Variants in CDH13 observed in about 807,000 individuals in gnomAD.
The protein encoded by CDH13 is cadherin 13.
Under a neutral mutation model 63.8 loss-of-function variants are expected in CDH13, and 24 were observed. The observed-to-expected ratio is 0.38, with a 90% CI of 0.27 to 0.53. The LOEUF (loss-of-function observed/expected upper bound fraction) is 0.53, where lower values mean the gene tolerates loss of function less well. Ranked by LOEUF, CDH13 falls within the 20% of genes least tolerant of loss-of-function variation. CDH13 has a pLI of 0.85. For missense variants in CDH13, 1,049 were observed against 903.1 expected, an observed-to-expected ratio of 1.16 and a Z score of -2.07; for synonymous variants, 503 against 355.3, an observed-to-expected ratio of 1.42 and a Z score of -4.67.
chr16:82,904,196 C>T (rs1308373264), intron 2 of CDH13, among the ~76,000 whole-genome samples: 1 of 152,152 alleles, frequency 6.6e-6, no homozygotes, highest in Non-Finnish European at 1.5e-5. Context: ...CTAAATATAA[C>T]TTGGCATCTT....
intron 4 of CDH13, among the ~76,000 whole-genome samples, chr16:83,156,028 G>A (rs1191955061): frequency 6.6e-6 from 1 of 152,186 alleles, no homozygotes; most frequent in Non-Finnish European, 1.5e-5. Context: ...GGCTACAGCT[G>A]TGTAGAAGAG....
intron 4 of CDH13, among the ~76,000 whole-genome samples, chr16:83,165,300 A>T (rs1597449643): frequency 6.6e-6 from 1 of 152,032 alleles, no homozygotes; most frequent in African/African-American, 2.4e-5. Context: ...AACAATGCCC[A>T]CCCCTGCCTG....
intron 1 of CDH13, among the ~76,000 whole-genome samples, chr16:82,721,518 G>A (rs79645268): frequency 6.6e-6 from 1 of 152,090 alleles, no homozygotes; most frequent in Non-Finnish European, 1.5e-5. Flanking sequence ...GGCTAGAGTG[G>A]AACACTGCTC....
intron 3 of CDH13, among the ~76,000 whole-genome samples, chr16:83,103,542 G>A (rs1024037000): frequency 7.2e-5 from 11 of 152,080 alleles, no homozygotes; most frequent in African/African-American, 1.9e-4. Context: ...CACCGTGCCC[G>A]GCTAATTAAA....
intron 3 of CDH13, among the ~76,000 whole-genome samples, chr16:83,062,410 A>G (rs975822757): frequency 1.3e-5 from 2 of 152,152 alleles, no homozygotes; most frequent in Non-Finnish European, 2.9e-5. Context: ...TTAGTGCCTG[A>G]CACGTAGTGC....
intron 2 of CDH13, among the ~76,000 whole-genome samples, chr16:82,994,566 T>G (rs1217404596): frequency 6.6e-6 from 1 of 152,250 alleles, no homozygotes; most frequent in Non-Finnish European, 1.5e-5. Flanking sequence ...GAAGCCATGT[T>G]TAGAAAGAGC....
intron 2 of CDH13, among the ~76,000 whole-genome samples, chr16:83,028,849 T>G (rs1328300372): frequency 6.6e-6 from 1 of 152,184 alleles, no homozygotes; most frequent in Non-Finnish European, 1.5e-5. Context: ...GGGGAACTAC[T>G]GTATTCAGGT....
chr16:83,492,014 G>C (rs918026957), intron 7 of CDH13, among the ~76,000 whole-genome samples: 1 of 152,168 alleles, frequency 6.6e-6, no homozygotes, highest in Non-Finnish European at 1.5e-5. Context: ...GAAAACTGAA[G>C]AATGTTAGGG....
chr16:82,797,687 T>C (rs1187029095), intron 1 of CDH13, among the ~76,000 whole-genome samples: 1 of 152,150 alleles, frequency 6.6e-6, no homozygotes, highest in African/African-American at 2.4e-5. Context: ...ACTAATTTTA[T>C]TCAGTGCTTA....
At chr16:82,776,430 T>G (rs1053404100) in intron 1 of CDH13, among the ~76,000 whole-genome samples, 1 of 152,204 alleles carries the variant, frequency 6.6e-6, no homozygotes, top group Non-Finnish European at 1.5e-5. Context: ...TTATTATTTT[T>G]AATAATCAGC....
chr16:83,759,121 A>T (rs186907056), intron 11 of CDH13, among the ~76,000 whole-genome samples: 22 of 152,252 alleles, frequency 1.4e-4, no homozygotes, highest in African/African-American at 4.6e-4. Flanking sequence ...TAGAACTTAC[A>T]CTACCGTACA....
intron 2 of CDH13, chr16:82,858,881 A>T (rs2039813635): frequency 4.8e-6 from 1 of 208,922 alleles, no homozygotes; most frequent in African/African-American, 2.3e-5. Context: ...TAATGGTGAG[A>T]GTATGACATT....
chr16:82,693,890 C>G (rs1299869493), intron 1 of CDH13, among the ~76,000 whole-genome samples: 1 of 152,130 alleles, frequency 6.6e-6, no homozygotes, highest in East Asian at 1.9e-4. Context: ...TTATAACATT[C>G]TTGGTTCAAA....
At chr16:83,015,428 A>AT (rs895612139) in intron 2 of CDH13, among the ~76,000 whole-genome samples, 1 of 151,564 alleles carries the variant, frequency 6.6e-6, no homozygotes, top group African/African-American at 2.4e-5. Flanking sequence ...GAAAAAAAAA[A>AT]GTGTCATTCT....
At chr16:83,769,719 GTTC>G (rs1567584145) in intron 11 of CDH13, among the ~76,000 whole-genome samples, 1 of 152,168 alleles carries the variant, frequency 6.6e-6, no homozygotes, top group Non-Finnish European at 1.5e-5. Flanking sequence ...AGAAGTGGGA[GTTC>G]CGTGGAGATG....
At chr16:82,782,551 C>A (rs2199432) in intron 1 of CDH13, among the ~76,000 whole-genome samples, 89 of 90,032 alleles carry the variant, frequency 9.9e-4, no homozygotes, top group Non-Finnish European at 1.3e-3. Context: ...GACTCCATCT[C>A]AAAAAAAAAA....
chr16:83,667,142 T>A (rs1245334511), intron 8 of CDH13, among the ~76,000 whole-genome samples: 2 of 151,960 alleles, frequency 1.3e-5, no homozygotes, highest in African/African-American at 4.8e-5. Context: ...AATAGATAGA[T>A]GGATGGCAGG....
At chr16:83,616,063 C>G (rs1909256968) in intron 8 of CDH13, among the ~76,000 whole-genome samples, 1 of 152,088 alleles carries the variant, frequency 6.6e-6, no homozygotes, top group Non-Finnish European at 1.5e-5. Flanking sequence ...AACGTTTGTA[C>G]AAATATAAGC....
intron 1 of CDH13, among the ~76,000 whole-genome samples, chr16:82,814,378 T>C (rs1055413574): frequency 1.3e-5 from 2 of 152,088 alleles, no homozygotes. Flanking sequence ...TTTTAGAAGG[T>C]TGGGGCTTTC....
Sources: gnomAD v4.1 joint callset for allele counts (sites outside exome capture counted in the v4.1 genomes callset) on GRCh38, gnomAD v4.1.1 for gene constraint, MANE v1.5 for transcripts, NCBI Gene and HGNC (gene_info 2026-07-23, HGNC 2026-07-21) for gene names.